The following SYT8 variants were observed in gnomAD, a reference collection of about 807,000 sequenced individuals.
SYT8 encodes synaptotagmin 8.
SYT8 carries 50 observed loss-of-function variants against 34.9 expected under a neutral mutation model. The ratio of observed to expected loss-of-function variants is 1.43; its 90% CI spans 1.14 to 1.81. The LOEUF is 1.81. Among genes scored for constraint, SYT8 ranks in the 40% most tolerant of loss-of-function variants. The pLI, the probability that SYT8 is intolerant of heterozygous loss-of-function variation, is 0.00. For synonymous variants in SYT8, 255 were observed against 234.2 expected (o/e 1.09, Z -0.81); for missense variants, 595 against 529.0 (o/e 1.12, Z -1.22).
upstream of SYT8, chr11:1,834,955 C>T: frequency 1.3e-6 from 1 of 745,136 alleles, no homozygotes. The surrounding 1 kb of genome is among the most constrained non-coding windows in gnomAD (Gnocchi z 4.5). Flanking sequence ...AGAACCCTCG[C>T]CCCTGGCCAC....
intron 3 of SYT8, 42 bp from the exon 4 acceptor site, chr11:1,836,084 A>T: frequency 6.5e-7 from 1 of 1,541,670 alleles, no homozygotes; most frequent in Non-Finnish European, 8.7e-7. Flanking sequence ...GGGAGCTGAC[A>T]GGGCAGGGGC....
In SYT8 at chr11:1,836,115, C is replaced by T; in HGVS notation, c.358-11C>T. ...GGGGCCCTTGGCTGAGCCCACCCCGCTGGCTCCCAGATCAGGGTGGGCCTG... is the reference window on the plus strand; with the variant it reads ...GGGGCCCTTGGCTGAGCCCACCCCGTTGGCTCCCAGATCAGGGTGGGCCTG... On this transcript the variant is annotated splice_polypyrimidine_tract_variant and intron_variant, in intron 3 of 7. Coordinates refer to ENST00000341958, the MANE Select transcript of SYT8 (RefSeq NM_001394072.1). 1 of 1,507,142 alleles carries T rather than the reference C, an allele frequency of 6.6e-7. No individual in the cohort carries two copies. Among genetic ancestry groups the T allele is most frequent in the South Asian group, 1.3e-5 (1 of 76,676 alleles). 93.4% of individuals were successfully genotyped at this position (1,507,142 alleles called of 1,614,324 possible). A position where few individuals can be genotyped will look rare whatever the true frequency, so the allele number is the denominator to read the frequency against.
chr11:1,834,705 G>A (rs1451419517), upstream of SYT8: 1 of 1,263,758 alleles, frequency 7.9e-7, no homozygotes, highest in African/African-American at 1.5e-5. The surrounding 1 kb of genome is among the most constrained non-coding windows in gnomAD (Gnocchi z 4.5). Flanking sequence ...CAGGGCCCAG[G>A]GTCCAGGGCC....
intron 2 of SYT8, 79 bp from the exon 3 acceptor site, chr11:1,835,807 G>T: frequency 7.8e-7 from 1 of 1,282,098 alleles, no homozygotes; most frequent in Non-Finnish European, 1.1e-6. Flanking sequence ...CCCATGTCAT[G>T]CAAGGGCTGC....
chr11:1,836,887 T>C (rs772691412), intron 6 of SYT8, 26 bp downstream of exon 6: 1 of 1,612,664 alleles, frequency 6.2e-7, no homozygotes, highest in South Asian at 1.1e-5. Flanking sequence ...GCCCACGTTG[T>C]TGTACAGAGG....
upstream of SYT8, chr11:1,834,170 T>G: frequency 6.5e-6 from 2 of 305,902 alleles, no homozygotes; most frequent in Non-Finnish European, 6.2e-6. The surrounding 1 kb of genome is among the most constrained non-coding windows in gnomAD (Gnocchi z 4.5). Context: ...GTAGGCCCCA[T>G]GTAGCACCCT....
rs374759288 is a variant in SYT8, at chr11:1,836,308, G to A, written c.516+24G>A. ...ACGTGAGTCAGGGATGGTCGGCTGGGTGGGCCTGGACGGCTGGATGGGCCT... is the reference window on the plus strand; with the variant it reads ...ACGTGAGTCAGGGATGGTCGGCTGGATGGGCCTGGACGGCTGGATGGGCCT... On this transcript the variant is annotated intron_variant, in intron 4 of 7. Transcript: ENST00000341958. The A allele has an allele frequency of 7.2e-6, 11 of 1,521,970 alleles. No homozygotes were observed. In the African/African-American group the frequency reaches 1.4e-4, roughly 19 times the overall value. The allele number at this position is 1,521,970 out of a possible 1,614,324, so 94.3% of individuals were successfully genotyped here. A position where few individuals can be genotyped will look rare whatever the true frequency, so the allele number is the denominator to read the frequency against.
At chr11:1,835,852 A>C (rs778505915) in intron 2 of SYT8, 34 bp from the exon 3 acceptor site, 271 of 1,570,638 alleles carry the variant, frequency 1.7e-4, no homozygotes, top group Non-Finnish European at 2.2e-4. Flanking sequence ...GCATGATGTC[A>C]GCACCACCTG....
upstream of SYT8, among the ~76,000 whole-genome samples, chr11:1,833,024 A>G (rs909900165): frequency 2.0e-5 from 3 of 152,216 alleles, no homozygotes; most frequent in African/African-American, 7.2e-5. Flanking sequence ...TCTGGAGTGA[A>G]GCTACTTTAA....
chr11:1,835,965 T>A lies in SYT8; in HGVS notation c.338T>A (p.Phe113Tyr). Reference sequence around the variant, plus strand: ...GGGTGCCTGCAGCTCTCCCTGGAGTTCGACTTTGGAAGCCAGGAGGTGAAG... The same window carrying A: ...GGGTGCCTGCAGCTCTCCCTGGAGTACGACTTTGGAAGCCAGGAGGTGAAG... ...QWGCLQLSLE[F>Y]DFGSQEIRVG... The change falls in exon 3 of 8, where the codon TTC (phenylalanine) becomes TAC (tyrosine). Residue 113 changes from phenylalanine (F) to tyrosine (Y), a missense_variant. Phe to Tyr is a conservative substitution (Grantham distance 22). Transcript: ENST00000341958. 1.9e-6 allele frequency: 3 copies of A among 1,606,014 alleles called. No homozygotes were observed. The highest frequency in any genetic ancestry group is 2.5e-6 in the Non-Finnish European group (3 of 1,177,744).
In SYT8 at chr11:1,837,038, C is replaced by A; in HGVS notation, c.872C>A (p.Ala291Asp). 2 of 1,613,812 alleles carry A rather than the reference C, an allele frequency of 1.2e-6. No homozygotes were observed. Among genetic ancestry groups the A allele is most frequent in the Non-Finnish European group, 1.7e-6 (2 of 1,180,002 alleles). Residue 291 changes from alanine (A) to aspartate (D), a missense_variant, in exon 7 of 8, where the codon GCC (alanine) becomes GAC (aspartate). Ala to Asp is a moderately radical substitution (Grantham distance 126, BLOSUM62 -2). Coordinates refer to ENST00000341958, the MANE Select transcript of SYT8 (RefSeq NM_001394072.1). ...ACAGCCACCAAAAAGGGCACGGCGG[C>A]CCCCTACTTCAATGAGGCCTTCACC... ...RKTATKKGTA[A>D]PYFNEAFTFL...
chr11:1,836,660 G>T (rs774855314), intron 5 of SYT8, 68 bp downstream of exon 5: 131 of 1,593,026 alleles, frequency 8.2e-5, no homozygotes, highest in Non-Finnish European at 1.1e-4. Flanking sequence ...ATGGGCCATC[G>T]GAAAGACAGG....
At chr11:1,832,148 A>G (rs543153324), upstream of SYT8, among the ~76,000 whole-genome samples, 7 of 152,238 alleles carry the variant, frequency 4.6e-5, no homozygotes, top group African/African-American at 1.7e-4. Context: ...TCAGCACAAA[A>G]CGTCATGGCA....
upstream of SYT8, chr11:1,834,607 C>T (rs759861468): frequency 2.5e-6 from 4 of 1,587,050 alleles, no homozygotes; most frequent in East Asian, 6.9e-5. This position sits in a 1 kb window ranked among gnomAD's most constrained non-coding sequence, Gnocchi z 4.5. Flanking sequence ...CCATGGTGGG[C>T]CCCAGCTGTG....
Position 1,836,682 on chromosome 11 carries a change from G to A in SYT8, c.685-74G>A. 2.5e-6 allele frequency: 4 copies of A among 1,591,930 alleles called. No homozygotes were observed. In the Middle Eastern group the frequency reaches 7.0e-4, roughly 279 times the overall value. On this transcript the variant is annotated intron_variant, in intron 5 of 7. Transcript: ENST00000341958. ...ATCGGAAAGACAGGCCTGATGGGCAGCATTTTCGGGGGTCTGAGCCCCAAC... is the reference window on the plus strand; with the variant it reads ...ATCGGAAAGACAGGCCTGATGGGCAACATTTTCGGGGGTCTGAGCCCCAAC...
At chr11:1,836,041 G>T in intron 3 of SYT8, 57 bp downstream of exon 3, 1 of 1,585,708 alleles carries the variant, frequency 6.3e-7, no homozygotes, top group Non-Finnish European at 8.6e-7. Flanking sequence ...AAAGGGTGAC[G>T]GGGGAAGGGC....
upstream of SYT8, chr11:1,834,666 A>AC (rs771128022): frequency 1.8e-5 from 27 of 1,516,478 alleles, no homozygotes; most frequent in East Asian, 2.7e-4. The surrounding 1 kb of genome is among the most constrained non-coding windows in gnomAD (Gnocchi z 4.5). Context: ...CAGAGATGAG[A>AC]CCCCCAGGGA....
At chr11:1,832,579 G>A (rs1353599204), upstream of SYT8, among the ~76,000 whole-genome samples, 3 of 152,176 alleles carry the variant, frequency 2.0e-5, no homozygotes, top group Non-Finnish European at 4.4e-5. Context: ...ACTGTCCCCG[G>A]GAGCCATGAG....
chr11:1,835,242 C>T (rs772187006), intron 1 of SYT8, 43 bp downstream of exon 1: 3 of 1,607,350 alleles, frequency 1.9e-6, no homozygotes, highest in Non-Finnish European at 1.7e-6. Context: ...GATAACCCAG[C>T]CAAGTGGGGG....
Sources: gnomAD v4.1 joint callset for allele counts (sites outside exome capture counted in the v4.1 genomes callset) on GRCh38, gnomAD v4.1.1 for gene constraint, Gnocchi (gnomAD v3.1) non-coding constraint, MANE v1.5 for transcripts, NCBI Gene and HGNC (gene_info 2026-07-23, HGNC 2026-07-21) for gene names.